Variants in LIPC observed in about 807,000 individuals in gnomAD.
The protein encoded by LIPC is lipase C, hepatic type, also known as hepatic triacylglycerol lipase.
In LIPC, 44 loss-of-function variants were observed where a neutral mutation model predicts 50.7. The ratio of observed to expected loss-of-function variants is 0.87; its 90% CI spans 0.68 to 1.11. The LOEUF is 1.11. Among genes scored for constraint, LIPC ranks in the 50% most tolerant of loss-of-function variants. The probability of loss-of-function intolerance (pLI) is 0.00; values close to 1 mark genes in which losing one functional copy is unlikely to be tolerated. For missense variants in LIPC, 697 were observed against 648.2 expected, an observed-to-expected ratio of 1.08 and a Z score of -0.82; for synonymous variants, 271 against 256.4, an observed-to-expected ratio of 1.06 and a Z score of -0.54.
At chr15:58,436,531 A>G in intron 1 of LIPC, 1 of 283,342 alleles carries the variant, frequency 3.5e-6, no homozygotes, top group South Asian at 3.2e-5. Context: ...TAAAGAAGAA[A>G]TCGAGAAAGT....
At chr15:58,433,357 A>G (rs1363491144) in intron 1 of LIPC, among the ~76,000 whole-genome samples, 1 of 152,236 alleles carries the variant, frequency 6.6e-6, no homozygotes, top group Non-Finnish European at 1.5e-5. Flanking sequence ...ATGAGTTCTC[A>G]CAAACTGAAC....
rs1488083250 is a variant in LIPC, at chr15:58,569,396, C to A, written c.*569C>A. On this transcript the variant is annotated 3_prime_UTR_variant, in exon 9 of 9. Transcript: ENST00000299022. ...TACAAGTAGAATTCTACTAAAACTA[C>A]TTGTGATAACAGTGAAAGCTAGACA... 1.5e-4 allele frequency: 23 copies of A among 152,296 alleles called. No individual in the cohort carries two copies. The highest frequency in any genetic ancestry group is 5.5e-4 in the African/African-American group (23 of 41,558). 9.4% of individuals were successfully genotyped at this position (152,296 alleles called of 1,614,324 possible). A position where few individuals can be genotyped will look rare whatever the true frequency, so the allele number is the denominator to read the frequency against.
In LIPC at chr15:58,432,146, A is replaced by G. The variant is rs374183304; in HGVS notation, c.88+26A>G. 4 of 1,500,870 alleles carry G rather than the reference A, an allele frequency of 2.7e-6. No homozygotes were observed. In the African/African-American group the frequency reaches 5.5e-5, roughly 21 times the overall value. 93.0% of individuals were successfully genotyped at this position (1,500,870 alleles called of 1,614,324 possible). ...GTAAGAGCCTGACTTTTCTCCAGAG[A>G]TGGGCATGAACTTTTCTTTTTAAAA... On this transcript the variant is annotated intron_variant, in intron 1 of 8. Coordinates refer to ENST00000299022, the MANE Select transcript of LIPC (RefSeq NM_000236.3).
At chr15:58,549,717 G>A (rs1484622320) in intron 6 of LIPC, among the ~76,000 whole-genome samples, 1 of 152,174 alleles carries the variant, frequency 6.6e-6, no homozygotes, top group Non-Finnish European at 1.5e-5. Context: ...AGTCAAGCAG[G>A]TCTAGGAATG....
intron 1 of LIPC, among the ~76,000 whole-genome samples, chr15:58,510,960 G>A (rs564082581): frequency 2.0e-5 from 3 of 152,316 alleles, no homozygotes; most frequent in East Asian, 1.9e-4. Context: ...GTGCTGTCAC[G>A]TGATGACGTC....
intron 1 of LIPC, among the ~76,000 whole-genome samples, chr15:58,524,835 C>T (rs2140881339): frequency 6.6e-6 from 1 of 152,102 alleles, no homozygotes; most frequent in Non-Finnish European, 1.5e-5. Flanking sequence ...TTATGAGTTG[C>T]AATTATTTTT....
intron 1 of LIPC, among the ~76,000 whole-genome samples, chr15:58,459,367 G>C (rs1258618922): frequency 6.6e-6 from 1 of 151,300 alleles, no homozygotes; most frequent in Non-Finnish European, 1.5e-5. Flanking sequence ...CTAAGCTTGA[G>C]TGAAAATCTT....
rs757142046 is a variant in LIPC at position 58,568,754 on chromosome 15, T to C, written c.1427T>C (p.Leu476Pro). The C allele has an allele frequency of 3.1e-6, 5 of 1,611,800 alleles. No individual in the cohort carries two copies. In the Admixed American group the frequency reaches 5.0e-5, roughly 16 times the overall value. ...TCAGAAAACACAGATGACCTACTAC[T>C]TCGCCCAACCCAGGAAAAAATCTTC... ...FCSENTDDLL[L>P]RPTQEKIFVK... Residue 476 changes from leucine (L) to proline (P), a missense_variant, in exon 9 of 9, where the codon CTT becomes CCT. Coordinates refer to ENST00000299022, the MANE Select transcript of LIPC (RefSeq NM_000236.3).
chr15:58,535,717 A>G (rs1183290964), intron 1 of LIPC, among the ~76,000 whole-genome samples: 1 of 152,208 alleles, frequency 6.6e-6, no homozygotes, highest in African/African-American at 2.4e-5. Context: ...TTCTAATTAC[A>G]TGTCAGGCAT....
At chr15:58,475,593 C>T (rs1050303140) in intron 1 of LIPC, among the ~76,000 whole-genome samples, 2 of 152,364 alleles carry the variant, frequency 1.3e-5, no homozygotes, top group South Asian at 4.1e-4. Flanking sequence ...CCACCACTTA[C>T]CCCTGTGCTC....
At chr15:58,531,682 CA>C (rs2140892596) in intron 1 of LIPC, among the ~76,000 whole-genome samples, 1 of 149,396 alleles carries the variant, frequency 6.7e-6, no homozygotes, top group South Asian at 2.1e-4. Flanking sequence ...ACTTTCCTTC[CA>C]TCCCGTATCT....
intron 6 of LIPC, among the ~76,000 whole-genome samples, chr15:58,559,183 G>A (rs1218629566): frequency 6.6e-6 from 1 of 152,208 alleles, no homozygotes; most frequent in African/African-American, 2.4e-5. Flanking sequence ...GGATAGTCAA[G>A]TGGCTAGTTA....
chr15:58,433,526 G>A (rs930235380), intron 1 of LIPC, among the ~76,000 whole-genome samples: 5 of 152,190 alleles, frequency 3.3e-5, no homozygotes, highest in Admixed American at 6.5e-5. Context: ...ATGCAGTTTC[G>A]TGGAGTTGAG....
At position 58,541,868 on chromosome 15, in the gene LIPC, G is replaced by A; in HGVS notation, c.357G>A (p.Leu119=). The change falls in exon 3 of 9, where the codon CTG becomes CTA. Residue 119 remains leucine, a synonymous_variant. Coordinates refer to ENST00000299022, the MANE Select transcript of LIPC (RefSeq NM_000236.3). ...CGGCCCAGCCAGTGAACGTGGGGCTGGTGGACTGGATCACCCTGGCCCACG... is the reference window on the plus strand; with the variant it reads ...CGGCCCAGCCAGTGAACGTGGGGCTAGTGGACTGGATCACCCTGGCCCACG... ...SQPAQPVNVG[L]VDWITLAHDH... is the part of the protein sequence containing the mutation. The A allele has an allele frequency of 1.9e-6, 3 of 1,612,862 alleles. No individual in the cohort carries two copies. The highest frequency in any genetic ancestry group is 1.7e-6 in the Non-Finnish European group (2 of 1,180,002).
intron 1 of LIPC, among the ~76,000 whole-genome samples, chr15:58,531,065 A>T (rs531947865): frequency 6.6e-6 from 1 of 152,226 alleles, no homozygotes; most frequent in Non-Finnish European, 1.5e-5. Flanking sequence ...GCCTTTAAAG[A>T]ACTTGTCAAA....
chr15:58,435,295 T>G (rs1276940592), intron 1 of LIPC: 1 of 152,234 alleles, frequency 6.6e-6, no homozygotes, highest in East Asian at 1.9e-4. Context: ...TCTGTTGTGA[T>G]GTATTGCTTT....
chr15:58,518,536 C>A (rs1333736671), intron 1 of LIPC, among the ~76,000 whole-genome samples: 1 of 152,200 alleles, frequency 6.6e-6, no homozygotes, highest in Non-Finnish European at 1.5e-5. Context: ...CGCTCCACTC[C>A]TTCAGGCTCA....
intron 1 of LIPC, among the ~76,000 whole-genome samples, chr15:58,490,110 G>A (rs190359522): frequency 2.6e-5 from 4 of 152,304 alleles, no homozygotes; most frequent in Non-Finnish European, 5.9e-5. Context: ...TTACTATTCA[G>A]CACATTTTTG....
intron 7 of LIPC, among the ~76,000 whole-genome samples, chr15:58,562,490 A>T (rs1343234464): frequency 6.6e-6 from 1 of 151,782 alleles, no homozygotes; most frequent in East Asian, 1.9e-4. Flanking sequence ...CCTGTTACCC[A>T]CCTGCTCACT....
Sources: gnomAD v4.1 joint callset for allele counts (sites outside exome capture counted in the v4.1 genomes callset) on GRCh38, gnomAD v4.1.1 for gene constraint, MANE v1.5 for transcripts, NCBI Gene and HGNC (gene_info 2026-07-23, HGNC 2026-07-21) for gene names.